GRB2: variants seen among roughly 807,000 people sequenced by gnomAD.
GRB2 encodes growth factor receptor bound protein 2.
GRB2 carries 2 observed loss-of-function variants against 27.4 expected under a neutral mutation model. The observed-to-expected ratio is 0.07, with a 90% CI of 0.03 to 0.23. GRB2 has a LOEUF of 0.23. GRB2 is among the 10% of genes least tolerant of loss of function. The pLI, the probability that GRB2 is intolerant of heterozygous loss-of-function variation, is 1.00. For missense variants in GRB2, 102 were observed against 282.4 expected, an observed-to-expected ratio of 0.36 and a Z score of 4.58; for synonymous variants, 94 against 99.6, an observed-to-expected ratio of 0.94 and a Z score of 0.33.
intron 2 of GRB2, among the ~76,000 whole-genome samples, chr17:75,378,735 T>G (rs2078910024): frequency 6.6e-6 from 1 of 152,214 alleles, no homozygotes; most frequent in Non-Finnish European, 1.5e-5. Context: ...GTATTAGTTC[T>G]TCTGTACTGG....
At chr17:75,360,144 G>C (rs2078769950) in intron 2 of GRB2, among the ~76,000 whole-genome samples, 1 of 152,112 alleles carries the variant, frequency 6.6e-6, no homozygotes, top group South Asian at 2.1e-4. Context: ...AAATTAAAAA[G>C]AAATCATAAA....
intron 3 of GRB2, among the ~76,000 whole-genome samples, chr17:75,330,562 T>C (rs531104612): frequency 1.3e-5 from 2 of 152,198 alleles, no homozygotes; most frequent in East Asian, 3.9e-4. Flanking sequence ...TAGTCCCAGC[T>C]ACTCGGCAGG....
intron 1 of GRB2, among the ~76,000 whole-genome samples, chr17:75,396,684 G>A (rs981112445): frequency 3.9e-5 from 6 of 152,004 alleles, no homozygotes; most frequent in Admixed American, 1.3e-4. Context: ...GAGCCACCAC[G>A]CCCAGCCCTA....
intron 2 of GRB2, among the ~76,000 whole-genome samples, chr17:75,334,149 C>T (rs572436628): frequency 5.3e-5 from 8 of 151,838 alleles, no homozygotes; most frequent in African/African-American, 1.9e-4. Flanking sequence ...CATACCTATA[C>T]GTTTTATTTT....
At chr17:75,376,398 G>T (rs1280917476) in intron 2 of GRB2, among the ~76,000 whole-genome samples, 2 of 147,892 alleles carry the variant, frequency 1.4e-5, no homozygotes, top group Non-Finnish European at 3.0e-5. Flanking sequence ...GCATGCTCCT[G>T]TAATCCCAGC....
At chr17:75,333,371 C>T (rs1035265636) in intron 2 of GRB2, among the ~76,000 whole-genome samples, 4 of 152,080 alleles carry the variant, frequency 2.6e-5, no homozygotes, top group African/African-American at 4.8e-5. Flanking sequence ...CCACTGTGCC[C>T]GGCCAGTTTT....
At chr17:75,334,112 A>G (rs1362144275) in intron 2 of GRB2, among the ~76,000 whole-genome samples, 1 of 152,152 alleles carries the variant, frequency 6.6e-6, no homozygotes, top group Non-Finnish European at 1.5e-5. Context: ...GACTCTAGAT[A>G]TGCTATGCTT....
Position 75,382,083 on chromosome 17 carries a change from C to T in GRB2, c.78+11468G>A, listed in dbSNP as rs556979803. ...ACTAAAAATATAAAAATAAGCTGGG[C>T]GTGGAGGCACGTGCCTGTAGTCCCA... On this transcript the variant is annotated intron_variant, in intron 2 of 5. Coordinates refer to ENST00000316804, the MANE Select transcript of GRB2 (RefSeq NM_002086.5). Among the ~76,000 whole-genome samples the T allele has an allele frequency of 2.0e-5, 3 of 151,918 alleles. No homozygotes were observed. The South Asian group carries it at 6.2e-4, about 32-fold the overall frequency.
intron 2 of GRB2, among the ~76,000 whole-genome samples, chr17:75,368,780 A>G (rs1052938364): frequency 6.6e-6 from 1 of 151,402 alleles, no homozygotes; most frequent in Non-Finnish European, 1.5e-5. Flanking sequence ...AACTCGGCTC[A>G]AATGATTCTC....
rs777144263 is a variant in GRB2 at position 75,330,243 on chromosome 17, ATGG to A, written c.176+2454_176+2456del. 5.9e-5 allele frequency among the ~76,000 whole-genome samples: 9 copies of A among 151,338 alleles called. No homozygotes were observed. The East Asian group carries it at 1.2e-3, about 20-fold the overall frequency. On this transcript the variant is annotated intron_variant, in intron 3 of 5. Coordinates refer to ENST00000316804, the MANE Select transcript of GRB2 (RefSeq NM_002086.5). ...CTAAAAATACAAAAATTAGCCAGGCATGGTGGCACATGCCTGTAATCCCAGCTA... is the reference window on the plus strand; with the variant it reads ...CTAAAAATACAAAAATTAGCCAGGCATGGCACATGCCTGTAATCCCAGCTA...
intron 2 of GRB2, among the ~76,000 whole-genome samples, chr17:75,335,738 G>A (rs368706895): frequency 7.9e-5 from 12 of 152,252 alleles, no homozygotes; most frequent in African/African-American, 2.9e-4. Flanking sequence ...GTAAATCCCA[G>A]TGTATTCAAA....
chr17:75,320,650 C>A lies in GRB2; in HGVS notation c.469-97G>T, dbSNP rs753800938. On this transcript the variant is annotated intron_variant, in intron 5 of 5. Transcript: ENST00000316804. This position sits in a 1 kb window ranked among gnomAD's most constrained non-coding sequence, Gnocchi z 4.3. ...GGTTCCAGGGGGAAACGAATGCGTG[C>A]CAAATTCTCCATGTTTCTTAAACTC... The A allele has an allele frequency of 8.7e-6, 7 of 807,772 alleles. No homozygotes were observed. The highest frequency in any genetic ancestry group is 1.4e-5 in the Non-Finnish European group (7 of 487,410). The allele number at this position is 807,772 out of a possible 1,614,324, so 50.0% of individuals were successfully genotyped here.
intron 2 of GRB2, among the ~76,000 whole-genome samples, chr17:75,363,561 T>C (rs1169750029): frequency 2.6e-5 from 4 of 152,176 alleles, no homozygotes; most frequent in African/African-American, 7.2e-5. Context: ...TTTGCTGAGC[T>C]TAAGAGCAAA....
chr17:75,382,205 G>C (rs1009704420), intron 2 of GRB2, among the ~76,000 whole-genome samples: 4 of 130,748 alleles, frequency 3.1e-5, no homozygotes, highest in Non-Finnish European at 6.5e-5. Context: ...CCTGATGACA[G>C]AGCAAGACTC....
At chr17:75,322,437 G>A (rs2078467011) in intron 4 of GRB2, among the ~76,000 whole-genome samples, 1 of 150,512 alleles carries the variant, frequency 6.6e-6, no homozygotes, top group African/African-American at 2.4e-5. Context: ...CCGTACTTAA[G>A]ACAAAGGAGT....
In GRB2 at chr17:75,337,864, C is replaced by CCTACTTTTACTACTACTA. The variant is rs796075893; in HGVS notation, c.79-5068_79-5067insTAGTAGTAGTAAAAGTAG. 3.2e-3 allele frequency among the ~76,000 whole-genome samples: 370 copies of CCTACTTTTACTACTACTA among 115,926 alleles called. 11 individuals carry two copies. In the Middle Eastern group the frequency reaches 0.033, roughly 10 times the overall value. 76.1% of individuals were successfully genotyped at this position (115,926 alleles called of 152,430 possible). A position where few individuals can be genotyped will look rare whatever the true frequency, so the allele number is the denominator to read the frequency against. On this transcript the variant is annotated intron_variant, in intron 2 of 5. Coordinates refer to ENST00000316804, the MANE Select transcript of GRB2 (RefSeq NM_002086.5). ...TATAGGCGTGAGCCACTGCGCCCGG[C>CCTACTTTTACTACTACTA]CTACTATTACTACTACTACTACTAC...
intron 2 of GRB2, among the ~76,000 whole-genome samples, chr17:75,336,543 C>T (rs367655032): frequency 7.1e-4 from 108 of 152,258 alleles, no homozygotes; most frequent in African/African-American, 2.6e-3. Context: ...CTTCTTGTCA[C>T]CTTTACCAAG....
intron 1 of GRB2, chr17:75,394,303 A>G (rs1341063770): frequency 3.9e-5 from 6 of 152,316 alleles, no homozygotes; most frequent in African/African-American, 1.4e-4. Context: ...TCTTCTCGAA[A>G]CTAAACCATG....
chr17:75,335,873 C>A (rs368436009), intron 2 of GRB2, among the ~76,000 whole-genome samples: 3 of 152,140 alleles, frequency 2.0e-5, no homozygotes, highest in South Asian at 4.1e-4. Context: ...ATGCAAGGTA[C>A]ACTCATAATT....
Sources: gnomAD v4.1 joint callset for allele counts (sites outside exome capture counted in the v4.1 genomes callset) on GRCh38, gnomAD v4.1.1 for gene constraint, Gnocchi (gnomAD v3.1) non-coding constraint, MANE v1.5 for transcripts, NCBI Gene and HGNC (gene_info 2026-07-23, HGNC 2026-07-21) for gene names.